The following ADAMTSL1 variants were observed in gnomAD, a reference collection of about 807,000 sequenced individuals.
The protein encoded by ADAMTSL1 is ADAMTS like 1.
In ADAMTSL1, 126 loss-of-function variants were observed where a neutral mutation model predicts 201.8. The observed-to-expected ratio is 0.62, with a 90% confidence interval of 0.54 to 0.72. The LOEUF (loss-of-function observed/expected upper bound fraction) is 0.72, where lower values mean the gene tolerates loss of function less well. ADAMTSL1 is among the 30% of genes least tolerant of loss of function. ADAMTSL1 has a pLI of 0.00. For missense variants in ADAMTSL1, 2,679 were observed against 2,277.8 expected (o/e 1.18, Z -3.59); for synonymous variants, 1,121 against 903.4 (o/e 1.24, Z -4.32).
chr9:18,072,584 C>T (rs1299778586), intron 1 of ADAMTSL1, among the ~76,000 whole-genome samples: 1 of 152,148 alleles, frequency 6.6e-6, no homozygotes, highest in Admixed American at 6.5e-5. Context: ...ATGTTATTTT[C>T]TATCTCACAA....
intron 3 of ADAMTSL1, among the ~76,000 whole-genome samples, chr9:18,558,974 G>T (rs754740727): frequency 7.2e-5 from 11 of 152,066 alleles, no homozygotes; most frequent in African/African-American, 9.7e-5. Context: ...TCACCCTGAT[G>T]ATAGTTTATT....
intron 9 of ADAMTSL1, among the ~76,000 whole-genome samples, chr9:18,674,986 T>C (rs980846088): frequency 7.6e-6 from 1 of 132,432 alleles, no homozygotes; most frequent in African/African-American, 2.8e-5. Flanking sequence ...TTGAAATCAG[T>C]GAAGTAGGTC....
intron 1 of ADAMTSL1, among the ~76,000 whole-genome samples, chr9:18,049,205 A>C (rs1376530139): frequency 6.6e-6 from 1 of 152,242 alleles, no homozygotes; most frequent in East Asian, 1.9e-4. Flanking sequence ...AAATAAGGTC[A>C]CATTCCCAGT....
intron 1 of ADAMTSL1, among the ~76,000 whole-genome samples, chr9:18,081,796 A>T (rs1342294575): frequency 6.6e-6 from 1 of 152,222 alleles, no homozygotes; most frequent in African/African-American, 2.4e-5. Flanking sequence ...ATTATTAAAC[A>T]AGAATATGTA....
At chr9:18,181,273 A>G (rs1166202863) in intron 2 of ADAMTSL1, among the ~76,000 whole-genome samples, 1 of 152,252 alleles carries the variant, frequency 6.6e-6, no homozygotes, top group Admixed American at 6.5e-5. Context: ...AACAAAAGCC[A>G]AAATTGACAA....
chr9:18,584,293 T>A (rs1823322487), intron 4 of ADAMTSL1, among the ~76,000 whole-genome samples: 1 of 152,082 alleles, frequency 6.6e-6, no homozygotes, highest in African/African-American at 2.4e-5. Flanking sequence ...AAAGAGGAGT[T>A]TCTCTGCACA....
intron 23 of ADAMTSL1, among the ~76,000 whole-genome samples, chr9:18,885,250 AC>A (rs1232818567): frequency 6.6e-6 from 1 of 152,186 alleles, no homozygotes; most frequent in Admixed American, 6.5e-5. Context: ...GCACAAAGAG[AC>A]AAATAAGGGC....
At chr9:18,887,729 T>C (rs575803460) in intron 23 of ADAMTSL1, 102 bp from the exon 24 acceptor site, 251 of 1,046,240 alleles carry the variant, frequency 2.4e-4, no homozygotes, top group Middle Eastern at 2.0e-3. Context: ...CAAGGCCACA[T>C]TGTGTGTACA....
chr9:18,460,304 G>T (rs1820760289), intron 2 of ADAMTSL1, among the ~76,000 whole-genome samples: 1 of 152,136 alleles, frequency 6.6e-6, no homozygotes. Flanking sequence ...AGATTTTCGA[G>T]GACTTGCCCA....
chr9:18,833,608 T>C (rs1390880255), intron 23 of ADAMTSL1, among the ~76,000 whole-genome samples: 4 of 152,226 alleles, frequency 2.6e-5, no homozygotes, highest in African/African-American at 9.6e-5. Flanking sequence ...ATTTGTCAGA[T>C]GTATACTTTG....
intron 2 of ADAMTSL1, among the ~76,000 whole-genome samples, chr9:18,396,034 A>G (rs1002797713): frequency 2.0e-5 from 3 of 152,174 alleles, no homozygotes; most frequent in Admixed American, 6.6e-5. Flanking sequence ...ATTGATGCTG[A>G]GAGTTCTTGG....
chr9:18,276,666 G>A (rs932485159), intron 2 of ADAMTSL1, among the ~76,000 whole-genome samples: 1 of 152,238 alleles, frequency 6.6e-6, no homozygotes, highest in African/African-American at 2.4e-5. Context: ...TACAATCAGG[G>A]CAGAAGGCAA....
rs530481451 is a variant in ADAMTSL1, at chr9:18,788,207, C to T, written c.3678-7190C>T. Among the ~76,000 whole-genome samples, 20 of 152,276 alleles carry T rather than the reference C, an allele frequency of 1.3e-4. No individual in the cohort carries two copies. The East Asian group carries it at 1.3e-3, about 10-fold the overall frequency. On this transcript the variant is annotated intron_variant, in intron 19 of 28. Transcript: ENST00000380548. Reference sequence around the variant, plus strand: ...ATTTTTGTACAAAATAAAATTCTCCCTTGCAAGCCTCTGGGCTACTGTAAT... The same window carrying T: ...ATTTTTGTACAAAATAAAATTCTCCTTTGCAAGCCTCTGGGCTACTGTAAT...
intron 2 of ADAMTSL1, among the ~76,000 whole-genome samples, chr9:18,193,509 G>A (rs1411819389): frequency 6.6e-6 from 1 of 151,918 alleles, no homozygotes; most frequent in East Asian, 1.9e-4. Context: ...TCTTCCTCTG[G>A]TTCTCTCCCT....
rs559821962 is a variant in ADAMTSL1 at position 18,890,521 on chromosome 9, C to T, written c.4643+773C>T. 11 of 456,028 alleles carry T rather than the reference C, an allele frequency of 2.4e-5. No individual in the cohort carries two copies. In the East Asian group the frequency reaches 7.0e-4, roughly 29 times the overall value. The allele number at this position is 456,028 out of a possible 1,614,324, so 28.2% of individuals were successfully genotyped here. A position where few individuals can be genotyped will look rare whatever the true frequency, so the allele number is the denominator to read the frequency against. ...ACTACCTATCTGTAGGACTTTCATACAATACTTAGGCAACTGCTTTCTGTT... is the reference window on the plus strand; with the variant it reads ...ACTACCTATCTGTAGGACTTTCATATAATACTTAGGCAACTGCTTTCTGTT... On this transcript the variant is annotated intron_variant, in intron 25 of 28. Coordinates refer to ENST00000380548, the MANE Select transcript of ADAMTSL1 (RefSeq NM_001040272.6).
At chr9:18,784,839 G>A (rs1821606698) in intron 19 of ADAMTSL1, among the ~76,000 whole-genome samples, 1 of 152,178 alleles carries the variant, frequency 6.6e-6, no homozygotes, top group Non-Finnish European at 1.5e-5. Context: ...GGAGATGTTA[G>A]ATTAACTCGC....
intron 2 of ADAMTSL1, among the ~76,000 whole-genome samples, chr9:18,187,930 C>A (rs1367415661): frequency 6.6e-6 from 1 of 152,094 alleles, no homozygotes; most frequent in Non-Finnish European, 1.5e-5. Context: ...GCCATTTATA[C>A]ATTTTTGTGA....
intron 1 of ADAMTSL1, among the ~76,000 whole-genome samples, chr9:18,139,013 A>T (rs1051345253): frequency 2.0e-5 from 3 of 152,174 alleles, no homozygotes; most frequent in Non-Finnish European, 4.4e-5. Context: ...GGAACCTTGC[A>T]GGAGATTACC....
At chr9:18,538,631 G>C (rs145603853) in intron 3 of ADAMTSL1, among the ~76,000 whole-genome samples, 89 of 152,298 alleles carry the variant, frequency 5.8e-4, no homozygotes, top group Non-Finnish European at 1.1e-3. Flanking sequence ...AATGTGGAGA[G>C]TGGAAGCAAA....
Sources: gnomAD v4.1 joint callset for allele counts (sites outside exome capture counted in the v4.1 genomes callset) on GRCh38, gnomAD v4.1.1 for gene constraint, MANE v1.5 for transcripts, NCBI Gene and HGNC (gene_info 2026-07-23, HGNC 2026-07-21) for gene names.